Variants in COBLL1 observed in about 807,000 individuals in gnomAD.
The protein encoded by COBLL1 is cordon-bleu WH2 repeat protein like 1.
COBLL1 carries 50 observed loss-of-function variants against 94.8 expected under a neutral mutation model. That is an observed-to-expected ratio of 0.53 (90% CI 0.42 to 0.67). COBLL1 has a LOEUF of 0.67. Among genes scored for constraint, COBLL1 ranks in the 30% least tolerant of loss-of-function variants. COBLL1 has a pLI of 0.00. For synonymous variants in COBLL1, 448 were observed against 473.8 expected, an observed-to-expected ratio of 0.95 and a Z score of 0.71; for missense variants, 1,362 against 1,348.7, an observed-to-expected ratio of 1.01 and a Z score of -0.15.
intron 2 of COBLL1, among the ~76,000 whole-genome samples, chr2:164,745,714 A>G (rs894353473): frequency 2.0e-5 from 3 of 152,314 alleles, no homozygotes; most frequent in South Asian, 2.1e-4. Context: ...GATGGGAAAC[A>G]TGAGCTGGGT....
intron 2 of COBLL1, among the ~76,000 whole-genome samples, chr2:164,835,184 G>A (rs945102058): frequency 6.6e-6 from 1 of 152,200 alleles, no homozygotes; most frequent in South Asian, 2.1e-4. Flanking sequence ...CAAAAGAACT[G>A]AAAGTAGGGT....
intron 9 of COBLL1, among the ~76,000 whole-genome samples, 196 bp downstream of exon 9, chr2:164,704,248 T>G (rs1253661829): frequency 6.6e-6 from 1 of 152,176 alleles, no homozygotes; most frequent in Non-Finnish European, 1.5e-5. Flanking sequence ...TTTTGATCTC[T>G]GCCAGCTTCA....
intron 7 of COBLL1, among the ~76,000 whole-genome samples, chr2:164,705,598 C>T (rs1158903945): frequency 6.6e-6 from 1 of 152,174 alleles, no homozygotes; most frequent in African/African-American, 2.4e-5. Flanking sequence ...ACACTCCTAG[C>T]CCGTGACTGT....
chr2:164,824,534 A>G (rs1177181739), intron 2 of COBLL1, among the ~76,000 whole-genome samples: 1 of 152,224 alleles, frequency 6.6e-6, no homozygotes, highest in Non-Finnish European at 1.5e-5. Flanking sequence ...AAAGTCCATT[A>G]TGCACGTTCA....
At position 164,784,918 on chromosome 2, in the gene COBLL1, T is replaced by C. The variant is rs1379311181; in HGVS notation, c.42-41043A>G. Among the ~76,000 whole-genome samples, 8 of 152,268 alleles carry C rather than the reference T, an allele frequency of 5.3e-5. No individual in the cohort carries two copies. The East Asian group carries it at 1.6e-3, about 30-fold the overall frequency. ...GTTGTGTTAGAAACATAATTTCTAATGTGACCGTGTTGGGAGGTGGGGCCT... is the reference window on the plus strand; with the variant it reads ...GTTGTGTTAGAAACATAATTTCTAACGTGACCGTGTTGGGAGGTGGGGCCT... On this transcript the variant is annotated intron_variant, in intron 2 of 13. Coordinates refer to ENST00000652658, the MANE Select transcript of COBLL1 (RefSeq NM_001365672.2).
chr2:164,805,337 C>CTCTATATATATA (rs758137553), intron 2 of COBLL1, among the ~76,000 whole-genome samples: 16 of 17,054 alleles, frequency 9.4e-4, no homozygotes, highest in African/African-American at 1.4e-3. Flanking sequence ...CTCTCTCTCT[C>CTCTATATATATA]TATATATATA....
At chr2:164,746,648 G>T (rs1176872413) in intron 2 of COBLL1, among the ~76,000 whole-genome samples, 4 of 151,816 alleles carry the variant, frequency 2.6e-5, no homozygotes, top group Non-Finnish European at 5.9e-5. Context: ...TTATGACGAG[G>T]TTACATTCTG....
rs185424009 is a variant in COBLL1, at chr2:164,754,184, G to T, written c.42-10309C>A. ...AGTAAAAGGTATTAAATATCTATTG[G>T]TAATTATTGTATGCTGACTACATGT... On this transcript the variant is annotated intron_variant, in intron 2 of 13. Transcript: ENST00000652658. Among the ~76,000 whole-genome samples the T allele has an allele frequency of 6.6e-5, 10 of 152,174 alleles. No homozygotes were observed. The East Asian group carries it at 1.7e-3, about 26-fold the overall frequency.
At chr2:164,751,207 C>T (rs558684808) in intron 2 of COBLL1, among the ~76,000 whole-genome samples, 1 of 152,146 alleles carries the variant, frequency 6.6e-6, no homozygotes, top group South Asian at 2.1e-4. Flanking sequence ...TTCACATAGC[C>T]CTGCTTGGTC....
intron 2 of COBLL1, among the ~76,000 whole-genome samples, chr2:164,759,224 G>T (rs1252617021): frequency 6.6e-6 from 1 of 152,120 alleles, no homozygotes; most frequent in East Asian, 1.9e-4. Flanking sequence ...TTAAATTCAT[G>T]TTGGGGTAAA....
At chr2:164,658,064 T>C (rs1360202806) in intron 2 of COBLL1, among the ~76,000 whole-genome samples, 1 of 152,156 alleles carries the variant, frequency 6.6e-6, no homozygotes, top group Non-Finnish European at 1.5e-5. Context: ...CAACAGGTGA[T>C]TGGCTATTTC....
chr2:164,702,819 T>C (rs1347785592), intron 9 of COBLL1, among the ~76,000 whole-genome samples: 1 of 151,860 alleles, frequency 6.6e-6, no homozygotes, highest in South Asian at 2.1e-4. Context: ...CTCAATTGTG[T>C]TTTCAAAGTG....
At chr2:164,793,271 C>T (rs1260123282) in intron 2 of COBLL1, among the ~76,000 whole-genome samples, 1 of 151,554 alleles carries the variant, frequency 6.6e-6, no homozygotes, top group African/African-American at 2.4e-5. Context: ...GGTTTGTAAA[C>T]CTTTTTAAAG....
intron 2 of COBLL1, among the ~76,000 whole-genome samples, chr2:164,800,717 T>C (rs1683731842): frequency 6.6e-6 from 1 of 152,058 alleles, no homozygotes; most frequent in Non-Finnish European, 1.5e-5. Flanking sequence ...AATACTACAC[T>C]TAGCTATAAA....
chr2:164,768,690 A>C (rs1037090057), intron 2 of COBLL1, among the ~76,000 whole-genome samples: 4 of 152,154 alleles, frequency 2.6e-5, no homozygotes, highest in African/African-American at 9.7e-5. Context: ...ATAAAAAGAA[A>C]TTTTAAAAAT....
chr2:164,784,481 G>C (rs1011641107), intron 2 of COBLL1, among the ~76,000 whole-genome samples: 1 of 152,088 alleles, frequency 6.6e-6, no homozygotes, highest in South Asian at 2.1e-4. Context: ...ATCCACATAC[G>C]TAATTATTTC....
At chr2:164,817,361 T>TAAAAAAAA (rs10599487) in intron 2 of COBLL1, among the ~76,000 whole-genome samples, 3 of 116,458 alleles carry the variant, frequency 2.6e-5, no homozygotes, top group Non-Finnish European at 3.6e-5. Context: ...TGGTATATAT[T>TAAAAAAAA]AAAAAAAAAA....
At chr2:164,700,915 C>T (rs1189708042) in intron 9 of COBLL1, among the ~76,000 whole-genome samples, 159 bp from the exon 10 acceptor site, 5 of 152,138 alleles carry the variant, frequency 3.3e-5, no homozygotes, top group Non-Finnish European at 5.9e-5. Flanking sequence ...TGAGCAGTCA[C>T]GTTAACATAA....
chr2:164,838,833 C>T (rs1017743830), intron 2 of COBLL1, among the ~76,000 whole-genome samples: 2 of 152,118 alleles, frequency 1.3e-5, no homozygotes, highest in Non-Finnish European at 2.9e-5. Flanking sequence ...AGTTTTATAG[C>T]AAGAAATTTA....
Sources: gnomAD v4.1 joint callset for allele counts (sites outside exome capture counted in the v4.1 genomes callset) on GRCh38, gnomAD v4.1.1 for gene constraint, MANE v1.5 for transcripts, NCBI Gene and HGNC (gene_info 2026-07-23, HGNC 2026-07-21) for gene names.